Variants in LVRN observed in about 807,000 individuals in gnomAD.
The protein encoded by LVRN is aminopeptidase Q.
Under a neutral mutation model 111.4 loss-of-function variants are expected in LVRN, and 99 were observed. The ratio of observed to expected loss-of-function variants is 0.89; its 90% CI spans 0.76 to 1.05. The LOEUF is 1.05. Ranked by LOEUF, LVRN falls within the 50% of genes least tolerant of loss-of-function variation. The pLI is 0.00. For missense variants in LVRN, 1,414 were observed against 1,206.8 expected, an observed-to-expected ratio of 1.17 and a Z score of -2.54; for synonymous variants, 488 against 449.5, an observed-to-expected ratio of 1.09 and a Z score of -1.08.
Position 115,985,362 on chromosome 5 carries a change from G to A in LVRN, c.978+653G>A, listed in dbSNP as rs77091365. Among the ~76,000 whole-genome samples the A allele has an allele frequency of 3.0e-3, 462 of 152,202 alleles. 1 individual carries two copies. The highest frequency in any genetic ancestry group is 0.011 in the African/African-American group (444 of 41,550). On this transcript the variant is annotated intron_variant, in intron 3 of 19. Coordinates refer to ENST00000357872, the MANE Select transcript of LVRN (RefSeq NM_173800.5). ...GAAGCATGGTCTTGGGTGGCCACAA[G>A]ACAAGTAGATCTTTGCTCTGTAACT...
At chr5:115,980,089 G>T (rs182754937) in intron 1 of LVRN, among the ~76,000 whole-genome samples, 1 of 152,142 alleles carries the variant, frequency 6.6e-6, no homozygotes, top group East Asian at 1.9e-4. Flanking sequence ...GACCCACAAG[G>T]AGACAAATTC....
chr5:116,022,585 A>G (rs13182375), intron 19 of LVRN, 119 bp downstream of exon 19: 315,798 of 704,392 alleles, frequency 0.45, 72,341 homozygotes, highest in African/African-American at 0.55. Context: ...CTATGCTTCT[A>G]TTGGTGCTGT....
intron 1 of LVRN, among the ~76,000 whole-genome samples, chr5:115,974,105 T>C (rs74596123): frequency 0.01 from 1,593 of 152,324 alleles, 85 homozygotes; most frequent in East Asian, 0.086. Context: ...TCCACCATCA[T>C]AGTAGAAAGT....
At chr5:116,024,536 G>A (rs1184319141) in intron 19 of LVRN, among the ~76,000 whole-genome samples, 1 of 152,096 alleles carries the variant, frequency 6.6e-6, no homozygotes, top group Non-Finnish European at 1.5e-5. Flanking sequence ...CCTGGACAAG[G>A]GAAAGAAAAG....
intron 18 of LVRN, among the ~76,000 whole-genome samples, chr5:116,018,544 T>A (rs917159627): frequency 6.6e-6 from 1 of 152,000 alleles, no homozygotes; most frequent in South Asian, 2.1e-4. Flanking sequence ...TGGTGGCACA[T>A]GCCTGTAATC....
intron 7 of LVRN, 97 bp downstream of exon 7, chr5:115,999,999 A>G: frequency 7.6e-7 from 1 of 1,322,048 alleles, no homozygotes; most frequent in Non-Finnish European, 1.0e-6. Flanking sequence ...AACTTAAAAC[A>G]TTTTATGAAA....
chr5:116,025,396 A>G (rs1748841907), intron 19 of LVRN, among the ~76,000 whole-genome samples: 1 of 152,210 alleles, frequency 6.6e-6, no homozygotes, highest in African/African-American at 2.4e-5. Context: ...GAAAAAACTT[A>G]TAACTTATTT....
At position 116,005,968 on chromosome 5, in the gene LVRN, G is replaced by A. The variant is rs1580394401; in HGVS notation, c.2093+1G>A. 1.3e-6 allele frequency: 2 copies of A among 1,587,904 alleles called. No homozygotes were observed. Among genetic ancestry groups the A allele is most frequent in the African/African-American group, 2.7e-5 (2 of 74,226 alleles). ...TTGATGATGCCTTTTCCTTGTCTAA[G>A]TGAGTATATTTTCTTCTCTCATGGT... is the stretch of plus-strand genomic sequence containing the variant. On this transcript the variant is annotated splice_donor_variant, in intron 13 of 19. Transcript: ENST00000357872. LOFTEE classifies it high-confidence loss of function.
chr5:115,991,893 T>C (rs1248225358), intron 4 of LVRN, among the ~76,000 whole-genome samples: 1 of 152,204 alleles, frequency 6.6e-6, no homozygotes, highest in Admixed American at 6.5e-5. Context: ...ATTCTTTGTG[T>C]ATTTGAATAC....
chr5:116,008,830 C>G (rs562367831), intron 13 of LVRN, among the ~76,000 whole-genome samples: 1 of 152,274 alleles, frequency 6.6e-6, no homozygotes, highest in East Asian at 1.9e-4. Context: ...AGGAAAGAAG[C>G]CATCTCCATA....
At chr5:116,015,913 T>A in intron 18 of LVRN, 148 bp downstream of exon 18, 1 of 986,778 alleles carries the variant, frequency 1.0e-6, no homozygotes, top group Non-Finnish European at 1.4e-6. Flanking sequence ...ATTTTTCCTT[T>A]GTTTAGTCTC....
At chr5:116,014,349 T>G in intron 15 of LVRN, 71 bp from the exon 16 acceptor site, 4 of 1,062,252 alleles carry the variant, frequency 3.8e-6, no homozygotes, top group Non-Finnish European at 5.7e-6. Context: ...ATGAAACACA[T>G]ATTCTTGGAG....
At chr5:115,976,695 G>C (rs1308229453) in intron 1 of LVRN, among the ~76,000 whole-genome samples, 1 of 152,124 alleles carries the variant, frequency 6.6e-6, no homozygotes, top group Non-Finnish European at 1.5e-5. Context: ...TTTGACTCCT[G>C]TGTTATTTAG....
At chr5:115,976,881 T>C (rs1391250328) in intron 1 of LVRN, among the ~76,000 whole-genome samples, 1 of 152,198 alleles carries the variant, frequency 6.6e-6, no homozygotes. Flanking sequence ...TGTTTGATTC[T>C]CTTGAGCCAT....
intron 18 of LVRN, chr5:116,021,055 C>A (rs879139208): frequency 6.6e-6 from 1 of 152,056 alleles, no homozygotes; most frequent in Non-Finnish European, 1.5e-5. Flanking sequence ...CAAAAATAAC[C>A]CCTGTTGAAG....
intron 5 of LVRN, 121 bp from the exon 6 acceptor site, chr5:115,993,620 T>G: frequency 1.5e-6 from 1 of 651,194 alleles, no homozygotes; most frequent in Non-Finnish European, 2.6e-6. Context: ...GTTTTGTTAT[T>G]GATGGCAAAT....
intron 1 of LVRN, among the ~76,000 whole-genome samples, chr5:115,970,559 T>C (rs1399155921): frequency 6.6e-6 from 1 of 152,038 alleles, no homozygotes. Flanking sequence ...ATTTTTTTTT[T>C]GTATTTCAGT....
At chr5:115,991,356 A>G (rs72802772) in intron 4 of LVRN, among the ~76,000 whole-genome samples, 15,675 of 152,272 alleles carry the variant, frequency 0.1, 1,063 homozygotes, top group South Asian at 0.23. Flanking sequence ...AAAATTTCCC[A>G]TAACTTTTCC....
chr5:115,993,200 G>GTTTTTTTTTTT (rs35417462), intron 5 of LVRN, among the ~76,000 whole-genome samples: 1 of 148,702 alleles, frequency 6.7e-6, no homozygotes, highest in African/African-American at 2.5e-5. Flanking sequence ...ATTTGACACT[G>GTTTTTTTTTTT]TTTTTTTTTT....
Sources: allele counts gnomAD v4.1 joint callset (sites outside exome capture counted in the v4.1 genomes callset), GRCh38; gene constraint gnomAD v4.1.1; transcripts MANE v1.5; gene names NCBI Gene and HGNC (gene_info 2026-07-23, HGNC 2026-07-21).